Variants in ABL2 observed in about 807,000 individuals in gnomAD.
The protein encoded by ABL2 is tyrosine-protein kinase ABL2.
A neutral mutation model predicts 107.7 loss-of-function variants in ABL2; 49 were observed. That is an observed-to-expected ratio of 0.45 (90% CI 0.36 to 0.58). The LOEUF (loss-of-function observed/expected upper bound fraction) is 0.58, where lower values mean the gene tolerates loss of function less well. ABL2 is among the 20% of genes least tolerant of loss of function. ABL2 has a pLI of 0.00. For synonymous variants in ABL2, 549 were observed against 548.6 expected (o/e 1.00, Z -0.01); for missense variants, 1,245 against 1,457.0 (o/e 0.85, Z 2.37).
chr1:179,129,641 C>T (rs1362846719), intron 3 of ABL2, among the ~76,000 whole-genome samples: 1 of 149,344 alleles, frequency 6.7e-6, no homozygotes, highest in African/African-American at 2.5e-5. Flanking sequence ...GAGACTGTGC[C>T]ACTGCACTCC....
At chr1:179,142,964 C>T in intron 1 of ABL2, 1 of 1,614,204 alleles carries the variant, frequency 6.2e-7, no homozygotes, top group South Asian at 1.1e-5. Flanking sequence ...ATTCTGAGGC[C>T]TCAGTGCACA....
chr1:179,213,288 GTATT>G (rs937506517), intron 1 of ABL2, among the ~76,000 whole-genome samples: 7 of 151,476 alleles, frequency 4.6e-5, no homozygotes, highest in Non-Finnish European at 7.4e-5. Context: ...TAGCTTATTT[GTATT>G]TATTTATTTA....
Position 179,100,723 on chromosome 1 carries a change from G to C in ABL2, c.*6995C>G, listed in dbSNP as rs755533846. 2.2e-5 allele frequency: 5 copies of C among 230,232 alleles called. No homozygotes were observed. Among genetic ancestry groups the C allele is most frequent in the Non-Finnish European group, 4.3e-5 (5 of 116,342 alleles). 14.3% of individuals were successfully genotyped at this position (230,232 alleles called of 1,614,324 possible). A position where few individuals can be genotyped will look rare whatever the true frequency, so the allele number is the denominator to read the frequency against. On this transcript the variant is annotated 3_prime_UTR_variant, in exon 12 of 12. Transcript: ENST00000502732. ...GAAAATTTGCTGATGCGAGTACAGT[G>C]ATGAACAAAGAACCTTCCAGAATAG...
At chr1:179,122,585 C>CA (rs1472753710) in intron 4 of ABL2, among the ~76,000 whole-genome samples, 1 of 151,844 alleles carries the variant, frequency 6.6e-6, no homozygotes, top group Non-Finnish European at 1.5e-5. Flanking sequence ...CATTGGTCTT[C>CA]AAATATATAT....
intron 1 of ABL2, among the ~76,000 whole-genome samples, chr1:179,177,598 A>C (rs1660124705): frequency 6.6e-6 from 1 of 152,226 alleles, no homozygotes; most frequent in Non-Finnish European, 1.5e-5. Flanking sequence ...TAATTCATTT[A>C]ATTGGAGGTG....
intron 1 of ABL2, among the ~76,000 whole-genome samples, chr1:179,142,623 G>C (rs148597281): frequency 7.9e-5 from 12 of 152,174 alleles, no homozygotes; most frequent in African/African-American, 2.9e-4. Context: ...AAGCTAATAA[G>C]TTTTAATAAC....
rs374103989 is a variant in ABL2, at chr1:179,125,830, GA to G, written c.687+546del. ...TTTACTGCTCAACAGATAACCAACG[GA>G]CATAAGCTCATGCTCTGTAGTTTAT... On this transcript the variant is annotated intron_variant, in intron 4 of 11. Transcript: ENST00000502732. 5.8e-4 allele frequency among the ~76,000 whole-genome samples: 89 copies of G among 152,274 alleles called. 3 individuals are homozygous for G. The South Asian group carries it at 0.018, about 30-fold the overall frequency.
chr1:179,118,560 G>C, intron 7 of ABL2, 27 bp downstream of exon 7: 1 of 1,593,402 alleles, frequency 6.3e-7, no homozygotes, highest in Non-Finnish European at 8.6e-7. Flanking sequence ...ATGGCTTCAT[G>C]GTTGGTCAGA....
At position 179,106,162 on chromosome 1, in the gene ABL2, T is replaced by A. The variant is rs992476249; in HGVS notation, c.*1556A>T. On this transcript the variant is annotated 3_prime_UTR_variant, in exon 12 of 12. Coordinates refer to ENST00000502732, the MANE Select transcript of ABL2 (RefSeq NM_007314.4). ...CTCTCCTTGGGGAGGATGGGGGAAG[T>A]ATTCATAAAGCTTTAAAAAGAGAAT... 4.5e-6 allele frequency: 1 copy of A among 221,916 alleles called. No homozygotes were observed. Among genetic ancestry groups the A allele is most frequent in the South Asian group, 1.8e-4 (1 of 5,410 alleles). The allele number at this position is 221,916 out of a possible 1,614,324, so 13.7% of individuals were successfully genotyped here. A position where few individuals can be genotyped will look rare whatever the true frequency, so the allele number is the denominator to read the frequency against.
At chr1:179,125,737 A>G (rs1308342869) in intron 4 of ABL2, among the ~76,000 whole-genome samples, 1 of 152,226 alleles carries the variant, frequency 6.6e-6, no homozygotes, top group African/African-American at 2.4e-5. Context: ...TGCTTGCTCC[A>G]AAGCCTGTGC....
chr1:179,199,888 A>C (rs1198887462), intron 1 of ABL2, among the ~76,000 whole-genome samples: 1 of 151,434 alleles, frequency 6.6e-6, no homozygotes, highest in Non-Finnish European at 1.5e-5. Context: ...ATGTACCTCC[A>C]TGCCAGCCAA....
chr1:179,176,699 A>ATTTTTTTTTTTTTT (rs1553229037), intron 1 of ABL2, among the ~76,000 whole-genome samples: 26 of 25,148 alleles, frequency 1.0e-3, no homozygotes, highest in East Asian at 2.4e-3. Context: ...GTTGTTACAT[A>ATTTTTTTTTTTTTT]TTCTTTTTTT....
chr1:179,202,423 T>C (rs1474841173), intron 1 of ABL2, among the ~76,000 whole-genome samples: 1 of 152,228 alleles, frequency 6.6e-6, no homozygotes, highest in Non-Finnish European at 1.5e-5. Flanking sequence ...CATTTTTGTT[T>C]TCAATAGTTA....
chr1:179,208,593 G>C (rs145724476), intron 1 of ABL2, among the ~76,000 whole-genome samples: 1 of 152,300 alleles, frequency 6.6e-6, no homozygotes, highest in African/African-American at 2.4e-5. Context: ...CTCAGATGTA[G>C]CAGAGAATTG....
chr1:179,192,006 A>C (rs1231145335), intron 1 of ABL2, among the ~76,000 whole-genome samples: 3 of 152,220 alleles, frequency 2.0e-5, no homozygotes, highest in Non-Finnish European at 4.4e-5. Context: ...ATTTAATTGC[A>C]AACAAAGTAT....
At chr1:179,180,602 C>A (rs1660320777) in intron 1 of ABL2, among the ~76,000 whole-genome samples, 1 of 152,098 alleles carries the variant, frequency 6.6e-6, no homozygotes, top group African/African-American at 2.4e-5. Context: ...AAGAGAGTTC[C>A]CGTGGCCAAG....
intron 1 of ABL2, among the ~76,000 whole-genome samples, chr1:179,146,242 T>C (rs985085176): frequency 2.0e-5 from 3 of 152,072 alleles, no homozygotes; most frequent in Non-Finnish European, 4.4e-5. Context: ...ATGGTGGCAG[T>C]GGAGACAAAG....
intron 1 of ABL2, chr1:179,184,561 G>T: frequency 1.7e-6 from 1 of 574,884 alleles, no homozygotes. Context: ...GGATGAAGAA[G>T]GAGGAGAAGA....
At chr1:179,149,820 T>C (rs1035953539) in intron 1 of ABL2, among the ~76,000 whole-genome samples, 6 of 152,234 alleles carry the variant, frequency 3.9e-5, no homozygotes, top group Non-Finnish European at 8.8e-5. Context: ...TTACTGCTCA[T>C]TGATAATGCA....
Sources: allele counts gnomAD v4.1 joint callset (sites outside exome capture counted in the v4.1 genomes callset), GRCh38; gene constraint gnomAD v4.1.1; transcripts MANE v1.5; gene names NCBI Gene and HGNC (gene_info 2026-07-23, HGNC 2026-07-21).